Variants in PTPN4 observed in about 807,000 individuals in gnomAD.
The protein encoded by PTPN4 is tyrosine-protein phosphatase non-receptor type 4.
A neutral mutation model predicts 135.5 loss-of-function variants in PTPN4; 49 were observed. That is an observed-to-expected ratio of 0.36 (90% CI 0.29 to 0.46). The LOEUF is 0.46. Ranked by LOEUF, PTPN4 falls within the 20% of genes least tolerant of loss-of-function variation. The pLI, the probability that PTPN4 is intolerant of heterozygous loss-of-function variation, is 1.00. For synonymous variants in PTPN4, 333 were observed against 369.9 expected (o/e 0.90, Z 1.14); for missense variants, 860 against 1,101.0 (o/e 0.78, Z 3.10).
At chr2:119,924,583 A>G (rs1295269625) in intron 12 of PTPN4, among the ~76,000 whole-genome samples, 4 of 152,174 alleles carry the variant, frequency 2.6e-5, no homozygotes, top group South Asian at 2.1e-4. Flanking sequence ...TGCTCAAAAG[A>G]TAAGTATCTT....
At chr2:119,917,583 A>T (rs988247152) in intron 11 of PTPN4, among the ~76,000 whole-genome samples, 23 of 152,240 alleles carry the variant, frequency 1.5e-4, no homozygotes, top group Admixed American at 4.6e-4. Context: ...AAATACAAAA[A>T]AATGGTTGTG....
chr2:119,850,810 T>TA (rs1421988504), intron 2 of PTPN4, among the ~76,000 whole-genome samples: 1 of 152,266 alleles, frequency 6.6e-6, no homozygotes, highest in African/African-American at 2.4e-5. Flanking sequence ...AGCAGATCCA[T>TA]AGAGTTCCTT....
chr2:119,832,511 A>T (rs1420721457), intron 2 of PTPN4, among the ~76,000 whole-genome samples: 1 of 152,052 alleles, frequency 6.6e-6, no homozygotes, highest in Non-Finnish European at 1.5e-5. Context: ...AAATATAAGG[A>T]TATTCTCACA....
At chr2:119,833,376 A>T (rs569634099) in intron 2 of PTPN4, among the ~76,000 whole-genome samples, 178 of 152,212 alleles carry the variant, frequency 1.2e-3, no homozygotes, top group Admixed American at 2.7e-3. Flanking sequence ...GTGTATCTGC[A>T]TGCCAATCCA....
At chr2:119,957,336 A>G (rs1201527004) in intron 22 of PTPN4, among the ~76,000 whole-genome samples, 1 of 152,212 alleles carries the variant, frequency 6.6e-6, no homozygotes, top group Non-Finnish European at 1.5e-5. Context: ...CTTTTAGATC[A>G]TTGGAGATAG....
intron 22 of PTPN4, among the ~76,000 whole-genome samples, chr2:119,959,645 T>C (rs955925274): frequency 2.0e-5 from 3 of 152,240 alleles, no homozygotes; most frequent in Non-Finnish European, 4.4e-5. Context: ...TTTGGAATTT[T>C]GAAAGGGTAT....
rs544197417 is a variant in PTPN4, at chr2:119,760,190, C to G, written c.-212C>G. 211 of 394,920 alleles carry G rather than the reference C, an allele frequency of 5.3e-4. No individual in the cohort carries two copies. Among genetic ancestry groups the G allele is most frequent in the African/African-American group, 3.7e-3 (180 of 48,540 alleles). The allele number at this position is 394,920 out of a possible 1,614,324, so 24.5% of individuals were successfully genotyped here. On this transcript the variant is annotated 5_prime_UTR_variant, in exon 1 of 27. Coordinates refer to ENST00000263708, the MANE Select transcript of PTPN4 (RefSeq NM_002830.4). ...CCTCCCTGCCACCTCCCCAGCGGCGCCGGCCCGCGGCTGCCCAGCAGCATG... is the reference window on the plus strand; with the variant it reads ...CCTCCCTGCCACCTCCCCAGCGGCGGCGGCCCGCGGCTGCCCAGCAGCATG...
At chr2:119,976,219 G>A (rs965872708) in intron 26 of PTPN4, among the ~76,000 whole-genome samples, 3 of 151,890 alleles carry the variant, frequency 2.0e-5, no homozygotes, top group African/African-American at 4.8e-5. Context: ...GGATGGTCTC[G>A]ATCTCCTGAC....
chr2:119,965,765 T>TA, intron 25 of PTPN4, 120 bp downstream of exon 25: 1 of 1,197,776 alleles, frequency 8.3e-7, no homozygotes, highest in Non-Finnish European at 1.2e-6. Flanking sequence ...CTCAAAGCTA[T>TA]GCTCTGAAGG....
intron 1 of PTPN4, among the ~76,000 whole-genome samples, chr2:119,765,914 CTGTGTG>C (rs61700411): frequency 6.7e-6 from 1 of 150,258 alleles, no homozygotes; most frequent in Non-Finnish European, 1.5e-5. Context: ...GTGTGTGAAT[CTGTGTG>C]TGTGTGTGTG....
intron 2 of PTPN4, among the ~76,000 whole-genome samples, chr2:119,834,360 A>G (rs1257163797): frequency 6.6e-6 from 1 of 152,096 alleles, no homozygotes; most frequent in Non-Finnish European, 1.5e-5. Context: ...CAACCCTAGC[A>G]CAGTTACACC....
chr2:119,762,639 T>C (rs1474403072), intron 1 of PTPN4, among the ~76,000 whole-genome samples: 1 of 152,104 alleles, frequency 6.6e-6, no homozygotes, highest in Non-Finnish European at 1.5e-5. Flanking sequence ...ACAAGAAAAG[T>C]TTTCCAGAAA....
chr2:119,924,073 C>G (rs1235610346), intron 12 of PTPN4, among the ~76,000 whole-genome samples: 2 of 145,042 alleles, frequency 1.4e-5, no homozygotes, highest in East Asian at 2.1e-4. Context: ...GGAGGCAGAG[C>G]TTGCAGTGAG....
intron 17 of PTPN4, 40 bp from the exon 18 acceptor site, chr2:119,946,478 G>A: frequency 6.3e-7 from 1 of 1,588,950 alleles, no homozygotes; most frequent in East Asian, 2.2e-5. Flanking sequence ...TTCTTATTTT[G>A]GTAATATTTG....
chr2:119,976,940 C>T, intron 26 of PTPN4, 44 bp from the exon 27 acceptor site: 1 of 1,573,452 alleles, frequency 6.4e-7, no homozygotes, highest in African/African-American at 1.4e-5. Flanking sequence ...GGACGGTTTT[C>T]TGACTTTTCT....
chr2:119,875,536 A>G (rs1677971752), intron 3 of PTPN4, among the ~76,000 whole-genome samples: 1 of 152,154 alleles, frequency 6.6e-6, no homozygotes, highest in Non-Finnish European at 1.5e-5. Flanking sequence ...CTAGATTAAT[A>G]GATAGATGGA....
chr2:119,782,741 T>C (rs1486007118), intron 1 of PTPN4, among the ~76,000 whole-genome samples: 3 of 113,998 alleles, frequency 2.6e-5, no homozygotes, highest in African/African-American at 1.0e-4. Flanking sequence ...GACCTCACTC[T>C]GTCATCCAGG....
intron 2 of PTPN4, among the ~76,000 whole-genome samples, chr2:119,844,473 G>A (rs1387365736): frequency 7.9e-5 from 11 of 138,710 alleles, no homozygotes; most frequent in South Asian, 2.4e-4. Flanking sequence ...GCTGCCGGGC[G>A]GAGGGGCTCC....
At chr2:119,971,096 T>C (rs1448178771) in intron 26 of PTPN4, among the ~76,000 whole-genome samples, 1 of 152,206 alleles carries the variant, frequency 6.6e-6, no homozygotes, top group Admixed American at 6.5e-5. Flanking sequence ...CTGGGTAATT[T>C]ATAAAGAAAA....
Sources: gnomAD v4.1 joint callset for allele counts (sites outside exome capture counted in the v4.1 genomes callset) on GRCh38, gnomAD v4.1.1 for gene constraint, MANE v1.5 for transcripts, NCBI Gene and HGNC (gene_info 2026-07-23, HGNC 2026-07-21) for gene names.